ZNF618: variants seen among roughly 807,000 people sequenced by gnomAD.
ZNF618 encodes the protein zinc finger protein 618.
Under a neutral mutation model 103.0 loss-of-function variants are expected in ZNF618, and 34 were observed. The ratio of observed to expected loss-of-function variants is 0.33; its 90% CI spans 0.25 to 0.44. The LOEUF is 0.44. Ranked by LOEUF, ZNF618 falls within the 20% of genes least tolerant of loss-of-function variation. The pLI is 1.00. For synonymous variants in ZNF618, 551 were observed against 542.2 expected, an observed-to-expected ratio of 1.02 and a Z score of -0.23; for missense variants, 1,059 against 1,295.4, an observed-to-expected ratio of 0.82 and a Z score of 2.80.
chr9:113,962,378 C>CT (rs2132601775), intron 1 of ZNF618, among the ~76,000 whole-genome samples: 1 of 152,302 alleles, frequency 6.6e-6, no homozygotes, highest in East Asian at 1.9e-4. Flanking sequence ...CTTCTGTTTC[C>CT]CCCCTGGCCT....
intron 13 of ZNF618, among the ~76,000 whole-genome samples, chr9:114,042,258 T>C: frequency 6.6e-6 from 1 of 152,364 alleles, no homozygotes; most frequent in Middle Eastern, 3.4e-3. Context: ...TTACAGTTTA[T>C]TTTAAAATAT....
At chr9:113,937,813 T>G (rs1479873998) in intron 1 of ZNF618, among the ~76,000 whole-genome samples, 1 of 152,258 alleles carries the variant, frequency 6.6e-6, no homozygotes, top group Non-Finnish European at 1.5e-5. Flanking sequence ...TTCTGATATA[T>G]ACATGGATCT....
At chr9:113,927,315 A>C (rs1833189800) in intron 1 of ZNF618, among the ~76,000 whole-genome samples, 1 of 152,218 alleles carries the variant, frequency 6.6e-6, no homozygotes, top group Non-Finnish European at 1.5e-5. Context: ...TGTAGCTGTC[A>C]GTGTCAGAGG....
intron 9 of ZNF618, among the ~76,000 whole-genome samples, chr9:114,010,774 C>T (rs1275251686): frequency 6.6e-6 from 1 of 152,168 alleles, no homozygotes; most frequent in African/African-American, 2.4e-5. Flanking sequence ...AGGACAGGAA[C>T]AGAGGATCTG....
At chr9:113,990,561 G>A (rs1839948915) in intron 3 of ZNF618, among the ~76,000 whole-genome samples, 1 of 152,244 alleles carries the variant, frequency 6.6e-6, no homozygotes, top group Non-Finnish European at 1.5e-5. Context: ...TGGGTCAAGA[G>A]GGACCTCTGC....
chr9:113,980,382 G>A lies in ZNF618; in HGVS notation c.78-7939G>A, dbSNP rs554221476. ...GGTTTATGCAGGTCTGGAGTTCGGTGGGGGGCCAGTCCAAGCTGGAGATAC... is the reference window on the plus strand; with the variant it reads ...GGTTTATGCAGGTCTGGAGTTCGGTAGGGGGCCAGTCCAAGCTGGAGATAC... On this transcript the variant is annotated intron_variant, in intron 2 of 14. Coordinates refer to ENST00000374126, the MANE Select transcript of ZNF618 (RefSeq NM_001318042.2). Among the ~76,000 whole-genome samples, 11 of 152,020 alleles carry A rather than the reference G, an allele frequency of 7.2e-5. No homozygotes were observed. In the South Asian group the frequency reaches 2.1e-3, roughly 29 times the overall value.
Position 113,919,490 on chromosome 9 carries a change from A to G in ZNF618, c.33+43077A>G, listed in dbSNP as rs56807995. On this transcript the variant is annotated intron_variant, in intron 1 of 14. Transcript: ENST00000374126. Reference sequence around the variant, plus strand: ...AATTGTATGTGTGTGTGCATCCCTGAGGAGGAAAACTGGCTGGCGGGCTTG... The same window carrying G: ...AATTGTATGTGTGTGTGCATCCCTGGGGAGGAAAACTGGCTGGCGGGCTTG... 1.0e-2 allele frequency among the ~76,000 whole-genome samples: 1,522 copies of G among 152,352 alleles called. 29 individuals carry two copies. The highest frequency in any genetic ancestry group is 0.035 in the African/African-American group (1,454 of 41,578).
intron 4 of ZNF618, among the ~76,000 whole-genome samples, chr9:113,999,382 C>T (rs1331717893): frequency 1.3e-5 from 2 of 151,970 alleles, no homozygotes; most frequent in Non-Finnish European, 2.9e-5. Context: ...GCAGGCGGGG[C>T]CCTGGGTTTT....
chr9:113,892,798 A>AT (rs899067168), intron 1 of ZNF618, among the ~76,000 whole-genome samples: 2 of 152,080 alleles, frequency 1.3e-5, no homozygotes, highest in African/African-American at 4.8e-5. Flanking sequence ...ATCAGGCTCT[A>AT]TTTTTTCCCA....
At chr9:113,959,227 C>T (rs183434480) in intron 1 of ZNF618, among the ~76,000 whole-genome samples, 273 of 151,822 alleles carry the variant, frequency 1.8e-3, no homozygotes, top group Non-Finnish European at 3.2e-3. Flanking sequence ...GTGGAGGTTG[C>T]GGTGAGCCGA....
intron 10 of ZNF618, among the ~76,000 whole-genome samples, chr9:114,023,698 CAT>C (rs1215170153): frequency 6.6e-6 from 1 of 152,022 alleles, no homozygotes; most frequent in Admixed American, 6.6e-5. Context: ...TTTTATTTCA[CAT>C]ATTTTTTTGA....
At chr9:114,007,049 AG>A (rs1275640071) in intron 6 of ZNF618, among the ~76,000 whole-genome samples, 2 of 152,222 alleles carry the variant, frequency 1.3e-5, no homozygotes, top group African/African-American at 4.8e-5. Context: ...ATTAGAAGTC[AG>A]TTACCAGGTC....
At chr9:113,991,001 A>T (rs961245500) in intron 3 of ZNF618, among the ~76,000 whole-genome samples, 3 of 152,144 alleles carry the variant, frequency 2.0e-5, no homozygotes, top group Admixed American at 2.0e-4. Flanking sequence ...GACTCATTAG[A>T]CCCAGTAGCT....
chr9:113,961,527 C>T (rs554515594), intron 1 of ZNF618, among the ~76,000 whole-genome samples: 1 of 152,234 alleles, frequency 6.6e-6, no homozygotes, highest in African/African-American at 2.4e-5. Flanking sequence ...AGTTCCAGCT[C>T]TTTCAGGCCA....
At chr9:114,029,838 A>C (rs1843848209) in intron 11 of ZNF618, among the ~76,000 whole-genome samples, 1 of 152,198 alleles carries the variant, frequency 6.6e-6, no homozygotes, top group African/African-American at 2.4e-5. Flanking sequence ...CCAGAGGGGT[A>C]AACAGACAAT....
rs1410155907 is a variant in ZNF618, at chr9:114,018,019, G to A, written c.844+1235G>A. On this transcript the variant is annotated intron_variant, in intron 10 of 14. Coordinates refer to ENST00000374126, the MANE Select transcript of ZNF618 (RefSeq NM_001318042.2). ...CTCACTGCTCTGTGACCTTGTGCCT[G>A]TTGCTTTCCTTCTCTGGGCTCTTTT... Among the ~76,000 whole-genome samples the A allele has an allele frequency of 2.0e-5, 3 of 152,180 alleles. 1 individual carries two copies. In the East Asian group the frequency reaches 5.8e-4, roughly 29 times the overall value.
chr9:113,977,788 C>T (rs879841309), intron 2 of ZNF618, among the ~76,000 whole-genome samples: 2 of 152,238 alleles, frequency 1.3e-5, no homozygotes, highest in African/African-American at 2.4e-5. Context: ...CCAGCTTTAA[C>T]TGTTGAACCC....
At chr9:113,891,943 G>A (rs1226670652) in intron 1 of ZNF618, among the ~76,000 whole-genome samples, 1 of 152,050 alleles carries the variant, frequency 6.6e-6, no homozygotes, top group Non-Finnish European at 1.5e-5. Context: ...TGAAACTTGA[G>A]GACATTCTGC....
intron 1 of ZNF618, among the ~76,000 whole-genome samples, chr9:113,905,077 A>ATTTT (rs60821219): frequency 2.7e-5 from 4 of 150,160 alleles, no homozygotes; most frequent in Non-Finnish European, 5.9e-5. Context: ...AAACCGTTTG[A>ATTTT]TTTTTTTTTT....
Sources: gnomAD v4.1 joint callset for allele counts (sites outside exome capture counted in the v4.1 genomes callset) on GRCh38, gnomAD v4.1.1 for gene constraint, MANE v1.5 for transcripts, NCBI Gene and HGNC (gene_info 2026-07-23, HGNC 2026-07-21) for gene names.